The following ZNF814 variants were observed in gnomAD, a reference collection of about 807,000 sequenced individuals.
ZNF814 encodes the protein zinc finger protein 814.
A neutral mutation model predicts 7.5 loss-of-function variants in ZNF814; 5 were observed. The ratio of observed to expected loss-of-function variants is 0.67; its 90% CI spans 0.35 to 1.40. ZNF814 has a LOEUF of 1.40. Among genes scored for constraint, ZNF814 ranks in the 40% most tolerant of loss-of-function variants. ZNF814 has a pLI of 0.04. For missense variants in ZNF814, 962 were observed against 1,018.0 expected (o/e 0.94, Z 0.75); for synonymous variants, 315 against 340.7 (o/e 0.92, Z 0.83).
chr19:57,878,854 T>A (rs376989971), intron 1 of ZNF814, among the ~76,000 whole-genome samples: 2 of 152,132 alleles, frequency 1.3e-5, no homozygotes, highest in East Asian at 1.9e-4. Context: ...ACTGCTTGAT[T>A]CCAGGAGTTC....
chr19:57,876,743 A>T, intron 2 of ZNF814, 173 bp downstream of exon 2: 1 of 1,105,548 alleles, frequency 9.0e-7, no homozygotes, highest in Non-Finnish European at 1.3e-6. Flanking sequence ...GGGCTGCTCC[A>T]AGAAAGGAGT....
Position 57,873,635 on chromosome 19 carries a change from A to G in ZNF814, c.1755T>C (p.Phe585=). ...SYGCGECGKS[F]SSIGHLRSHQ... ...GGCTCCTAAGGTGCCCGATTGAACT[A>G]AAAGATTTCCCACATTCTCCACACC... is the stretch of plus-strand genomic sequence containing the variant. The change falls in exon 3 of 3, where the codon TTT becomes TTC. Residue 585 remains phenylalanine (F), a synonymous_variant. Transcript: ENST00000435989. 4.3e-6 allele frequency: 7 copies of G among 1,613,630 alleles called. No individual in the cohort carries two copies. The highest frequency in any genetic ancestry group is 5.1e-6 in the Non-Finnish European group (6 of 1,179,918).
chr19:57,889,916 T>C (rs1454529953), upstream of ZNF814, among the ~76,000 whole-genome samples: 1 of 152,160 alleles, frequency 6.6e-6, no homozygotes, highest in African/African-American at 2.4e-5. Flanking sequence ...TGCAGATCTT[T>C]CTCCTAGGCA....
upstream of ZNF814, among the ~76,000 whole-genome samples, chr19:57,891,333 G>A (rs1416187148): frequency 1.3e-5 from 2 of 152,026 alleles, no homozygotes; most frequent in South Asian, 2.1e-4. Flanking sequence ...AGACCATCCT[G>A]GCTAACACGG....
chr19:57,873,862 G>A lies in ZNF814; in HGVS notation c.1528C>T (p.His510Tyr), dbSNP rs769453018. 4.3e-6 allele frequency: 7 copies of A among 1,613,980 alleles called. No individual in the cohort carries two copies. Among genetic ancestry groups the A allele is most frequent in the East Asian group, 2.2e-5 (1 of 44,866 alleles). ...SFSQKGNLVL[H>Y]QRVHTGARPY... The stretch of plus-strand genomic sequence containing the variant: ...CTTGCTCCAGTGTGAACTCGCTGGT[G>A]TAGAACGAGGTTGCCCTTTTGACTG... The change falls in exon 3 of 3, where the codon CAC (histidine) becomes TAC (tyrosine). Residue 510 changes from histidine (H) to tyrosine (Y), a missense_variant. By Grantham distance (83) the His-to-Tyr change is moderately conservative. Transcript: ENST00000435989.
intron 1 of ZNF814, among the ~76,000 whole-genome samples, chr19:57,877,992 T>C (rs1485661826): frequency 6.6e-6 from 1 of 151,546 alleles, no homozygotes; most frequent in African/African-American, 2.4e-5. Flanking sequence ...ATGTGCAACT[T>C]CGGCTCTACT....
the ZNF814 span, among the ~76,000 whole-genome samples, chr19:57,902,091 G>T: frequency 1.3e-5 from 2 of 152,092 alleles, no homozygotes; most frequent in Non-Finnish European, 2.9e-5. Context: ...TAAATCACAG[G>T]CTACTTTATA....
At chr19:57,883,926 T>C (rs1196052239) in intron 1 of ZNF814, among the ~76,000 whole-genome samples, 1 of 152,048 alleles carries the variant, frequency 6.6e-6, no homozygotes, top group African/African-American at 2.4e-5. Flanking sequence ...CCAGCTAATT[T>C]TTGTATTTTT....
In ZNF814 at chr19:57,871,830, C is replaced by G. The variant is rs1184354583; in HGVS notation, c.*992G>C. On this transcript the variant is annotated 3_prime_UTR_variant, in exon 3 of 3. Transcript: ENST00000435989. The stretch of plus-strand genomic sequence containing the variant: ...AAGTTAAAAAAAAAAAAAAAAAAGG[C>G]CAGGCACAGTAACTCACACCTGTAA... Among the ~76,000 whole-genome samples the G allele has an allele frequency of 7.5e-6, 1 of 132,720 alleles. No individual in the cohort carries two copies. The highest frequency in any genetic ancestry group is 1.6e-5 in the Non-Finnish European group (1 of 61,966). 87.1% of individuals were successfully genotyped at this position (132,720 alleles called of 152,430 possible). A position where few individuals can be genotyped will look rare whatever the true frequency, so the allele number is the denominator to read the frequency against.
At position 57,884,083 on chromosome 19, in the gene ZNF814, T is replaced by C. The variant is rs184012749; in HGVS notation, c.36+4684A>G. On this transcript the variant is annotated intron_variant, in intron 1 of 2. Transcript: ENST00000435989. ...ACAAAGACTTCTTGAGTAATACCTT[T>C]CAAGCACAGGCAACCAAAGCAAAAT... Among the ~76,000 whole-genome samples the C allele has an allele frequency of 2.1e-3, 322 of 152,232 alleles. 3 individuals carry two copies. The highest frequency in any genetic ancestry group is 7.3e-3 in the African/African-American group (303 of 41,550).
At position 57,872,072 on chromosome 19, in the gene ZNF814, C is replaced by T. The variant is rs539480365; in HGVS notation, c.*750G>A. On this transcript the variant is annotated 3_prime_UTR_variant, in exon 3 of 3. Transcript: ENST00000435989. ...AGTGAAATGTGAACACACCACTGCA[C>T]GCCATCCTGAGCGACACAGTGACAA... Among the ~76,000 whole-genome samples, 127 of 152,210 alleles carry T rather than the reference C, an allele frequency of 8.3e-4. No individual in the cohort carries two copies. The highest frequency in any genetic ancestry group is 2.3e-3 in the African/African-American group (97 of 41,542).
chr19:57,889,205 GC>G (rs1354742131), upstream of ZNF814: 1 of 392,296 alleles, frequency 2.5e-6, no homozygotes, highest in African/African-American at 2.1e-5. Context: ...ATTCCCAGAG[GC>G]GCTTCTGCAG....
chr19:57,873,038 G>T lies in ZNF814; in HGVS notation c.2352C>A (p.Ser784Arg). 6.2e-7 allele frequency: 1 copy of T among 1,613,614 alleles called. No homozygotes were observed. The highest frequency in any genetic ancestry group is 8.5e-7 in the Non-Finnish European group (1 of 1,179,782). The change falls in exon 3 of 3, where the codon AGC becomes AGA. Residue 784 changes from serine (S) to arginine (R), a missense_variant. Physicochemically the swap from Ser to Arg is moderately radical, Grantham distance 110. This residue lies in a region of ZNF814 where 665 missense variants were observed against 551.4 expected (regional missense o/e 1.21). Transcript: ENST00000435989. ...CTCTTTTGTGTTTTGTGAAACTGGAGCTTTCAGCGAAAGATTTTCCACATT... is the reference window on the plus strand; with the variant it reads ...CTCTTTTGTGTTTTGTGAAACTGGATCTTTCAGCGAAAGATTTTCCACATT... Reference protein sequence around the residue: ...CSECGKSFAESSSFTKHKRVH... With the variant: ...CSECGKSFAERSSFTKHKRVH...
In ZNF814 at chr19:57,873,815, A is replaced by G. The variant is rs1383239347; in HGVS notation, c.1575T>C (p.Cys525=). The G allele has an allele frequency of 2.5e-6, 4 of 1,614,046 alleles. No individual in the cohort carries two copies. The highest frequency in any genetic ancestry group is 3.4e-6 in the Non-Finnish European group (4 of 1,179,984). Residue 525 remains cysteine, a synonymous_variant, in exon 3 of 3, where the codon TGT becomes TGC. Transcript: ENST00000435989. ...TGARPYECGE[C]GKSFSSKGHL... ...GTCCTTTTGAACTAAATGATTTCCC[A>G]CATTCTCCACACTCATAAGGTCTTG...
At chr19:57,894,456 A>G in the ZNF814 span, among the ~76,000 whole-genome samples, 1 of 152,116 alleles carries the variant, frequency 6.6e-6, no homozygotes, top group African/African-American at 2.4e-5. Flanking sequence ...TAGTCTGTAA[A>G]TGAAACAAAA....
chr19:57,898,199 T>C, the ZNF814 span, among the ~76,000 whole-genome samples: 404 of 152,342 alleles, frequency 2.7e-3, 3 homozygotes, highest in Middle Eastern at 0.01. Context: ...AATTTTGCCA[T>C]GTCTAGGGCT....
chr19:57,887,887 T>C (rs2071706109), intron 1 of ZNF814, among the ~76,000 whole-genome samples: 1 of 152,228 alleles, frequency 6.6e-6, no homozygotes, highest in Non-Finnish European at 1.5e-5. Flanking sequence ...CCTGGTACCT[T>C]GCCTTTTTGT....
chr19:57,883,603 C>A (rs1212124113), intron 1 of ZNF814, among the ~76,000 whole-genome samples: 1 of 148,472 alleles, frequency 6.7e-6, no homozygotes, highest in East Asian at 2.0e-4. Context: ...GGAGGCTGCA[C>A]TGAGCTGAGA....
upstream of ZNF814, among the ~76,000 whole-genome samples, chr19:57,890,706 C>G (rs746514972): frequency 3.3e-5 from 5 of 152,228 alleles, no homozygotes; most frequent in Admixed American, 1.3e-4. Context: ...GATACCATCC[C>G]TAGGAACAAC....
Sources: gnomAD v4.1 joint callset for allele counts (sites outside exome capture counted in the v4.1 genomes callset) on GRCh38, gnomAD v4.1.1 for gene constraint, gnomAD v4.1.1 regional missense constraint, MANE v1.5 for transcripts, NCBI Gene and HGNC (gene_info 2026-07-23, HGNC 2026-07-21) for gene names.